Variants in CTDSPL2 observed in about 807,000 individuals in gnomAD.
The protein encoded by CTDSPL2 is CTD small phosphatase like 2.
CTDSPL2 carries 5 observed loss-of-function variants against 60.0 expected under a neutral mutation model. The ratio of observed to expected loss-of-function variants is 0.08; its 90% CI spans 0.04 to 0.18. CTDSPL2 has a LOEUF of 0.18. CTDSPL2 is among the 10% of genes least tolerant of loss of function. The pLI is 1.00. For missense variants in CTDSPL2, 370 were observed against 548.8 expected, an observed-to-expected ratio of 0.67 and a Z score of 3.26; for synonymous variants, 186 against 189.3, an observed-to-expected ratio of 0.98 and a Z score of 0.14.
At chr15:44,438,012 C>T (rs1342193698) in intron 1 of CTDSPL2, among the ~76,000 whole-genome samples, 1 of 152,120 alleles carries the variant, frequency 6.6e-6, no homozygotes, top group East Asian at 1.9e-4. Context: ...CGCCTGTAAT[C>T]CCAGCACTTT....
intron 2 of CTDSPL2, among the ~76,000 whole-genome samples, chr15:44,483,888 T>C (rs1174596804): frequency 1.3e-5 from 2 of 152,182 alleles, no homozygotes; most frequent in African/African-American, 2.4e-5. Context: ...ATCTCTGTTC[T>C]TAAGGACACT....
At chr15:44,489,453 CAA>C (rs1341413943) in intron 4 of CTDSPL2, among the ~76,000 whole-genome samples, 8 of 152,034 alleles carry the variant, frequency 5.3e-5, no homozygotes, top group Non-Finnish European at 1.5e-5. Flanking sequence ...TGGCCTTTAT[CAA>C]GTTTGAAGAT....
intron 2 of CTDSPL2, among the ~76,000 whole-genome samples, chr15:44,471,263 C>T (rs147586234): frequency 3.0e-4 from 45 of 152,070 alleles, no homozygotes; most frequent in African/African-American, 9.6e-4. Flanking sequence ...TGTTTTTTGG[C>T]TATTATAAAT....
At chr15:44,509,311 C>T (rs1289972749) in intron 8 of CTDSPL2, among the ~76,000 whole-genome samples, 5 of 152,124 alleles carry the variant, frequency 3.3e-5, no homozygotes, top group African/African-American at 4.8e-5. Flanking sequence ...CAGTGATTCT[C>T]CTGCTTCAGC....
chr15:44,468,533 ATTTACT>A (rs1002439067), intron 2 of CTDSPL2, among the ~76,000 whole-genome samples: 4 of 151,974 alleles, frequency 2.6e-5, no homozygotes, highest in African/African-American at 7.3e-5. Flanking sequence ...TTTCAGTTTG[ATTTACT>A]TTTACTTTTG....
At position 44,459,013 on chromosome 15, in the gene CTDSPL2, AG is replaced by A; in HGVS notation, c.-1del. 6.5e-7 allele frequency: 1 copy of A among 1,542,802 alleles called. No individual in the cohort carries two copies. The highest frequency in any genetic ancestry group is 8.7e-7 in the Non-Finnish European group (1 of 1,148,682). On this transcript the variant is annotated 5_prime_UTR_variant, in exon 2 of 13. Transcript: ENST00000260327. ...TAGTTTTACATGTGGCACCCATAAA[AG>A]ATGAGGCTGAGAACACGGAAAGCTT...
In CTDSPL2 at chr15:44,485,477, T is replaced by G. The variant is rs117533713; in HGVS notation, c.326-1074T>G. Among the ~76,000 whole-genome samples, 114 of 152,324 alleles carry G rather than the reference T, an allele frequency of 7.5e-4. 3 individuals carry two copies. In the East Asian group the frequency reaches 0.021, roughly 28 times the overall value. ...TCCATCTCAGATCATCAGACATTAG[T>G]TAGATTCTCATAAGGATCGCACAAC... is the stretch of plus-strand genomic sequence containing the variant. On this transcript the variant is annotated intron_variant, in intron 3 of 12. Transcript: ENST00000260327.
intron 1 of CTDSPL2, among the ~76,000 whole-genome samples, chr15:44,447,303 G>A (rs182528527): frequency 6.6e-6 from 1 of 152,246 alleles, no homozygotes; most frequent in Admixed American, 6.5e-5. Flanking sequence ...AATAGATTGA[G>A]AATTGGTTTT....
intron 1 of CTDSPL2, among the ~76,000 whole-genome samples, chr15:44,444,400 A>T (rs2080159284): frequency 6.6e-6 from 1 of 151,700 alleles, no homozygotes; most frequent in African/African-American, 2.4e-5. Flanking sequence ...GTTGGAGTGC[A>T]GTGGTGCAAT....
At chr15:44,442,523 C>G (rs1360559773) in intron 1 of CTDSPL2, among the ~76,000 whole-genome samples, 1 of 151,686 alleles carries the variant, frequency 6.6e-6, no homozygotes, top group Non-Finnish European at 1.5e-5. Flanking sequence ...GTGTACCTGA[C>G]AATTTGCCAT....
At chr15:44,474,320 A>G (rs1470544236) in intron 2 of CTDSPL2, among the ~76,000 whole-genome samples, 2 of 152,208 alleles carry the variant, frequency 1.3e-5, no homozygotes, top group Admixed American at 1.3e-4. Context: ...GTGAAACCCT[A>G]TCTCTAATAA....
rs373257815 is a variant in CTDSPL2 at position 44,528,742 on chromosome 15, T to C, written c.*4568T>C. On this transcript the variant is annotated 3_prime_UTR_variant, in exon 13 of 13. Transcript: ENST00000260327. ...AATATTTCACTATTTTTTTATTTTA[T>C]AAATCTTTGTAGAAATAAGCAATGA... 3 of 152,180 alleles carry C rather than the reference T, an allele frequency of 2.0e-5. No homozygotes were observed. The highest frequency in any genetic ancestry group is 4.1e-4 in the South Asian group (2 of 4,832). 9.4% of individuals were successfully genotyped at this position (152,180 alleles called of 1,614,324 possible).
intron 1 of CTDSPL2, among the ~76,000 whole-genome samples, chr15:44,438,801 T>C (rs1372073384): frequency 2.0e-5 from 3 of 152,136 alleles, no homozygotes; most frequent in Non-Finnish European, 4.4e-5. Context: ...TGAAAGAGGC[T>C]CATTCTCCAA....
chr15:44,512,391 G>A (rs2081581985), intron 8 of CTDSPL2, among the ~76,000 whole-genome samples: 1 of 152,158 alleles, frequency 6.6e-6, no homozygotes, highest in Non-Finnish European at 1.5e-5. Context: ...AACTGCATGT[G>A]AGTGATGAAC....
intron 1 of CTDSPL2, chr15:44,448,414 A>G (rs1374952461): frequency 8.3e-6 from 2 of 240,178 alleles, no homozygotes; most frequent in East Asian, 1.2e-4. Context: ...ACCATGGCCC[A>G]GGCCTGGACT....
intron 2 of CTDSPL2, among the ~76,000 whole-genome samples, chr15:44,472,214 A>G (rs1403673451): frequency 6.6e-6 from 1 of 152,144 alleles, no homozygotes; most frequent in Non-Finnish European, 1.5e-5. Flanking sequence ...AAGAGCTTGA[A>G]TTGCTGGGTT....
At chr15:44,437,522 T>C (rs2080001788) in intron 1 of CTDSPL2, among the ~76,000 whole-genome samples, 1 of 152,234 alleles carries the variant, frequency 6.6e-6, no homozygotes, top group Non-Finnish European at 1.5e-5. Flanking sequence ...AAGAAACTTT[T>C]AGTTTTATTT....
At chr15:44,474,368 G>A (rs2080871780) in intron 2 of CTDSPL2, among the ~76,000 whole-genome samples, 2 of 152,178 alleles carry the variant, frequency 1.3e-5, no homozygotes, top group South Asian at 2.1e-4. Context: ...GTACACGCCT[G>A]TAGTCCCTGC....
chr15:44,486,745 A>T, intron 4 of CTDSPL2, 45 bp downstream of exon 4: 3 of 1,293,198 alleles, frequency 2.3e-6, no homozygotes, highest in Non-Finnish European at 3.2e-6. Flanking sequence ...TTTTAAAAAA[A>T]TGCATAGTTT....
Sources: allele counts gnomAD v4.1 joint callset (sites outside exome capture counted in the v4.1 genomes callset), GRCh38; gene constraint gnomAD v4.1.1; transcripts MANE v1.5; gene names NCBI Gene and HGNC (gene_info 2026-07-23, HGNC 2026-07-21).